The following COL17A1 variants were observed in gnomAD, a reference collection of about 807,000 sequenced individuals.
The protein encoded by COL17A1 is collagen type XVII alpha 1 chain.
COL17A1 carries 181 observed loss-of-function variants against 218.4 expected under a neutral mutation model. That is an observed-to-expected ratio of 0.83 (90% CI 0.73 to 0.94). The LOEUF (loss-of-function observed/expected upper bound fraction) is 0.94, where lower values mean the gene tolerates loss of function less well. Among genes scored for constraint, COL17A1 ranks in the 40% least tolerant of loss-of-function variants. The pLI is 0.00. For missense variants in COL17A1, 1,924 were observed against 1,945.9 expected (o/e 0.99, Z 0.21); for synonymous variants, 721 against 731.0 (o/e 0.99, Z 0.22).
At position 104,064,589 on chromosome 10, in the gene COL17A1, G is replaced by A. The variant is rs1351581103; in HGVS notation, c.615C>T (p.Gly205=). The A allele has an allele frequency of 1.9e-6, 3 of 1,612,770 alleles. No homozygotes were observed. Among genetic ancestry groups the A allele is most frequent in the Non-Finnish European group, 1.7e-6 (2 of 1,179,332 alleles). ...IVTASSQSVS[G]TYDATILDAN... is the part of the protein sequence containing the mutation. ...CATCCAGGATCGTTGCATCGTAGGT[G>A]CCTGACACTGGAAACAGACACATGC... The change falls in exon 10 of 56, where the codon GGC becomes GGT. Residue 205 remains glycine (G), a synonymous_variant. Coordinates refer to ENST00000648076, the MANE Select transcript of COL17A1 (RefSeq NM_000494.4).
At chr10:104,076,232 T>G in intron 5 of COL17A1, 69 bp downstream of exon 5, 1 of 1,610,394 alleles carries the variant, frequency 6.2e-7, no homozygotes. Context: ...AGCATGTAAA[T>G]CTTCAAAGAA....
At chr10:104,040,646 A>G (rs2134584739) in intron 39 of COL17A1, among the ~76,000 whole-genome samples, 1 of 152,218 alleles carries the variant, frequency 6.6e-6, no homozygotes, top group East Asian at 1.9e-4. Flanking sequence ...AGATGGATGG[A>G]TAAATGGATG....
intron 22 of COL17A1, among the ~76,000 whole-genome samples, chr10:104,053,471 T>C (rs2086490250): frequency 1.3e-5 from 2 of 152,112 alleles, no homozygotes; most frequent in South Asian, 4.1e-4. Flanking sequence ...GGTCTTCCCC[T>C]TCCTGATGCT....
chr10:104,068,323 A>G (rs1040127405), intron 9 of COL17A1, among the ~76,000 whole-genome samples: 6 of 152,222 alleles, frequency 3.9e-5, no homozygotes, highest in Admixed American at 1.3e-4. Flanking sequence ...CTAAAGTTAA[A>G]CCAGACCTTA....
chr10:104,035,488 A>C lies in COL17A1; in HGVS notation c.3494T>G (p.Leu1165Arg). 1 of 1,613,816 alleles carries C rather than the reference A, an allele frequency of 6.2e-7. No homozygotes were observed. Among genetic ancestry groups the C allele is most frequent in the Non-Finnish European group, 8.5e-7 (1 of 1,179,872 alleles). Residue 1165 changes from leucine to arginine, a missense_variant, in exon 49 of 56, where the codon CTC (leucine) becomes CGC (arginine). By Grantham distance (102) the Leu-to-Arg change is moderately radical. Transcript: ENST00000648076. ...CTGGGCCTTACCTCGCAGCAAGGAGAGGAGCTCCTCATAGGAGGTTCCCGG... is the reference window on the plus strand; with the variant it reads ...CTGGGCCTTACCTCGCAGCAAGGAGCGGAGCTCCTCATAGGAGGTTCCCGG... Reference protein sequence around the residue: ...GLPGTSYEELLSLLRGSEFRG... With the variant: ...GLPGTSYEELRSLLRGSEFRG...
intron 22 of COL17A1, 81 bp downstream of exon 22, chr10:104,053,839 A>T (rs2086493537): frequency 1.2e-6 from 1 of 839,702 alleles, no homozygotes; most frequent in African/African-American, 1.7e-5. Context: ...AAGGCCTCAC[A>T]TACAGCAGGC....
rs547566430 is a variant in COL17A1 at position 104,053,872 on chromosome 10, G to A, written c.1834+48C>T. The A allele has an allele frequency of 6.3e-5, 68 of 1,085,526 alleles. 1 individual carries two copies. In the South Asian group the frequency reaches 7.5e-4, roughly 12 times the overall value. The allele number at this position is 1,085,526 out of a possible 1,614,324, so 67.2% of individuals were successfully genotyped here. On this transcript the variant is annotated intron_variant, in intron 22 of 55. Coordinates refer to ENST00000648076, the MANE Select transcript of COL17A1 (RefSeq NM_000494.4). ...GGCACTTAATGAATGTTTATTAAATGAATGAAAGAATGAGGAATAAATGAA... is the reference window on the plus strand; with the variant it reads ...GGCACTTAATGAATGTTTATTAAATAAATGAAAGAATGAGGAATAAATGAA...
intron 44 of COL17A1, 83 bp downstream of exon 44, chr10:104,038,988 A>G: frequency 7.1e-7 from 1 of 1,406,074 alleles, no homozygotes; most frequent in South Asian, 1.1e-5. Flanking sequence ...AAATGAATGA[A>G]CGAATAGAGC....
At chr10:104,075,660 C>CAATG (rs1387098139) in intron 5 of COL17A1, among the ~76,000 whole-genome samples, 2 of 152,220 alleles carry the variant, frequency 1.3e-5, no homozygotes, top group African/African-American at 4.8e-5. Context: ...CTCTCTGTGG[C>CAATG]TTCCCATTGC....
At chr10:104,077,572 CAGAGG>C in intron 3 of COL17A1, 46 bp from the exon 4 acceptor site, 1 of 1,505,036 alleles carries the variant, frequency 6.6e-7, no homozygotes, top group Non-Finnish European at 9.1e-7. Flanking sequence ...GGAGTCAGGC[CAGAGG>C]ATCCCCTGGT....
chr10:104,074,448 C>A (rs1321549219), intron 5 of COL17A1, among the ~76,000 whole-genome samples: 3 of 152,230 alleles, frequency 2.0e-5, no homozygotes, highest in Non-Finnish European at 4.4e-5. Context: ...TTGCTCTGGT[C>A]AAGGACCTAC....
At chr10:104,060,611 C>T (rs1341907590) in intron 13 of COL17A1, among the ~76,000 whole-genome samples, 2 of 152,102 alleles carry the variant, frequency 1.3e-5, no homozygotes, top group African/African-American at 4.8e-5. Flanking sequence ...GTAAGTCCTT[C>T]CTTAACTAAC....
intron 29 of COL17A1, 49 bp downstream of exon 29, chr10:104,049,360 G>T (rs777753818): frequency 1.3e-6 from 2 of 1,560,348 alleles, no homozygotes; most frequent in East Asian, 2.2e-5. Context: ...GGGTCGTGGT[G>T]ACCCCTCAGA....
intron 5 of COL17A1, among the ~76,000 whole-genome samples, chr10:104,074,489 G>A (rs542512402): frequency 6.6e-6 from 1 of 152,310 alleles, no homozygotes; most frequent in Admixed American, 6.5e-5. Flanking sequence ...ACAAAGGAGA[G>A]CAGGAGGTTT....
At chr10:104,078,117 A>G (rs1285377990) in intron 3 of COL17A1, among the ~76,000 whole-genome samples, 2 of 152,072 alleles carry the variant, frequency 1.3e-5, no homozygotes, top group African/African-American at 4.8e-5. Flanking sequence ...GAGCTCCTGG[A>G]AAAAAAAGTA....
intron 9 of COL17A1, among the ~76,000 whole-genome samples, chr10:104,066,989 A>G (rs2086631680): frequency 6.6e-6 from 1 of 152,198 alleles, no homozygotes; most frequent in South Asian, 2.1e-4. Context: ...AGCTAGATCA[A>G]TTTTTAGGAC....
At chr10:104,063,523 C>A in intron 11 of COL17A1, 1 of 642,894 alleles carries the variant, frequency 1.6e-6, no homozygotes, top group Non-Finnish European at 2.7e-6. Flanking sequence ...AAAGGCGCCA[C>A]CTTAGAATAC....
At chr10:104,070,671 A>G in intron 8 of COL17A1, 102 bp from the exon 9 acceptor site, 1 of 1,607,836 alleles carries the variant, frequency 6.2e-7, no homozygotes, top group Non-Finnish European at 8.5e-7. Context: ...ACTGGGGAGA[A>G]TGGCATCTGC....
At chr10:104,067,109 T>C (rs1177603201) in intron 9 of COL17A1, among the ~76,000 whole-genome samples, 2 of 152,078 alleles carry the variant, frequency 1.3e-5, no homozygotes, top group Non-Finnish European at 2.9e-5. Context: ...AAAGACAGCA[T>C]CCTCTCGGGC....
Sources: gnomAD v4.1 joint callset for allele counts (sites outside exome capture counted in the v4.1 genomes callset) on GRCh38, gnomAD v4.1.1 for gene constraint, MANE v1.5 for transcripts, NCBI Gene and HGNC (gene_info 2026-07-23, HGNC 2026-07-21) for gene names.